The following AOPEP variants were observed in gnomAD, a reference collection of about 807,000 sequenced individuals.
AOPEP encodes the protein aminopeptidase O (putative).
AOPEP carries 77 observed loss-of-function variants against 98.1 expected under a neutral mutation model. The ratio of observed to expected loss-of-function variants is 0.78; its 90% CI spans 0.65 to 0.95. The LOEUF (loss-of-function observed/expected upper bound fraction) is 0.95. AOPEP is among the 40% of genes least tolerant of loss of function. The pLI is 0.00. For synonymous variants in AOPEP, 346 were observed against 365.3 expected (o/e 0.95, Z 0.60); for missense variants, 1,024 against 1,024.7 (o/e 1.00, Z 0.01).
At chr9:94,888,109 C>G (rs1457893798) in intron 5 of AOPEP, among the ~76,000 whole-genome samples, 1 of 152,114 alleles carries the variant, frequency 6.6e-6, no homozygotes, top group African/African-American at 2.4e-5. Flanking sequence ...TGATAAGTGA[C>G]AAGTCAAGGA....
At chr9:94,998,148 T>G (rs1260145871) in intron 11 of AOPEP, among the ~76,000 whole-genome samples, 1 of 151,956 alleles carries the variant, frequency 6.6e-6, no homozygotes, top group Non-Finnish European at 1.5e-5. Context: ...TTTTCCAGCC[T>G]ATGTTGTCAT....
intron 14 of AOPEP, among the ~76,000 whole-genome samples, chr9:95,066,847 G>A (rs2067949825): frequency 6.6e-6 from 1 of 152,104 alleles, no homozygotes; most frequent in East Asian, 1.9e-4. Context: ...CTTCTCGAGT[G>A]GAATTAATGC....
At chr9:95,080,815 A>T in intron 15 of AOPEP, 35 bp downstream of exon 15, 1 of 1,412,964 alleles carries the variant, frequency 7.1e-7, no homozygotes, top group Non-Finnish European at 1.0e-6. Context: ...GGGATTCTGT[A>T]AAGGCTGTCC....
the AOPEP span, chr9:95,100,915 C>T: frequency 1.7e-5 from 4 of 232,786 alleles, no homozygotes; most frequent in Admixed American, 1.1e-4. Context: ...CAGGTGTGAG[C>T]CACTGCACCC....
the AOPEP span, among the ~76,000 whole-genome samples, chr9:95,094,880 G>T: frequency 1.3e-5 from 2 of 152,178 alleles, no homozygotes; most frequent in Admixed American, 1.3e-4. Context: ...TGGCCAGGCT[G>T]GTCTTGAACT....
At chr9:94,847,105 G>A (rs572762093) in intron 5 of AOPEP, among the ~76,000 whole-genome samples, 1 of 137,534 alleles carries the variant, frequency 7.3e-6, no homozygotes, top group Admixed American at 7.5e-5. Context: ...AGGGAGGTTG[G>A]TAGATTTGGT....
chr9:95,033,247 T>C (rs2064478158), intron 13 of AOPEP, among the ~76,000 whole-genome samples: 1 of 152,196 alleles, frequency 6.6e-6, no homozygotes, highest in Non-Finnish European at 1.5e-5. Flanking sequence ...TCTTGTACTT[T>C]TGTTCCTCTT....
chr9:94,784,841 T>G (rs1844053003), intron 3 of AOPEP, among the ~76,000 whole-genome samples: 1 of 152,266 alleles, frequency 6.6e-6, no homozygotes, highest in South Asian at 2.1e-4. Flanking sequence ...GGTCTTGAAC[T>G]CTGGACCTCA....
the AOPEP span, chr9:95,107,249 C>T: frequency 2.5e-6 from 4 of 1,613,870 alleles, no homozygotes; most frequent in African/African-American, 1.3e-5. Flanking sequence ...GGAGGTGGCC[C>T]AGCACGGCCT....
rs796618191 is a variant in AOPEP at position 94,747,044 on chromosome 9, T to G, written c.-135-12605T>G. On this transcript the variant is annotated intron_variant, in intron 1 of 16. Coordinates refer to ENST00000375315, the MANE Select transcript of AOPEP (RefSeq NM_001193329.3). The stretch of plus-strand genomic sequence containing the variant: ...ACAACAGCATTAACTCCAGTGGGTT[T>G]TTTTTTTTTTTTTGAATATACATAT... Among the ~76,000 whole-genome samples, 621 of 148,488 alleles carry G rather than the reference T, an allele frequency of 4.2e-3. 6 individuals are homozygous for G. Among genetic ancestry groups the G allele is most frequent in the East Asian group, 0.033 (167 of 5,096 alleles).
chr9:94,990,954 T>G (rs1002033246), intron 11 of AOPEP, among the ~76,000 whole-genome samples: 2 of 152,188 alleles, frequency 1.3e-5, no homozygotes, highest in Non-Finnish European at 2.9e-5. Context: ...ATATTGACAT[T>G]GCACTCTTCC....
chr9:94,805,682 A>G (rs1849115034), intron 5 of AOPEP, among the ~76,000 whole-genome samples: 1 of 152,200 alleles, frequency 6.6e-6, no homozygotes, highest in South Asian at 2.1e-4. Context: ...CTGAATGTTT[A>G]TACTAGTTCC....
chr9:94,828,294 A>G (rs1855102396), intron 5 of AOPEP, among the ~76,000 whole-genome samples: 1 of 150,938 alleles, frequency 6.6e-6, no homozygotes, highest in South Asian at 2.1e-4. Context: ...GCCTATTCCA[A>G]AGTCACAAAG....
chr9:94,852,575 A>G (rs2043685045), intron 5 of AOPEP, among the ~76,000 whole-genome samples: 1 of 152,222 alleles, frequency 6.6e-6, no homozygotes, highest in Non-Finnish European at 1.5e-5. Flanking sequence ...TAACTAATGT[A>G]AGCTGGAAGA....
At chr9:94,757,710 C>T (rs547199186) in intron 1 of AOPEP, among the ~76,000 whole-genome samples, 2 of 152,152 alleles carry the variant, frequency 1.3e-5, no homozygotes, top group African/African-American at 4.8e-5. Flanking sequence ...CTAAATTGAC[C>T]CTTGTCTCAG....
chr9:95,109,275 T>C, the AOPEP span, among the ~76,000 whole-genome samples: 1 of 152,156 alleles, frequency 6.6e-6, no homozygotes. Flanking sequence ...TACCACACTT[T>C]ATTTGGCCAG....
chr9:94,794,186 A>G (rs767610324), intron 4 of AOPEP, among the ~76,000 whole-genome samples: 2 of 152,262 alleles, frequency 1.3e-5, no homozygotes, highest in Non-Finnish European at 2.9e-5. Context: ...ATTTACTGGC[A>G]GCCTGTCTAG....
chr9:94,759,592 A>G (rs2132449372), intron 1 of AOPEP, 57 bp from the exon 2 acceptor site: 1 of 559,410 alleles, frequency 1.8e-6, no homozygotes, highest in East Asian at 2.9e-5. Context: ...CAGCAGTTGC[A>G]GGAGCACTTA....
intron 5 of AOPEP, among the ~76,000 whole-genome samples, chr9:94,897,436 T>TA (rs543651054): frequency 3.3e-5 from 5 of 151,642 alleles, no homozygotes; most frequent in African/African-American, 4.8e-5. Context: ...AAATATTAAA[T>TA]AAAAAAAAGC....
Sources: gnomAD v4.1 joint callset for allele counts (sites outside exome capture counted in the v4.1 genomes callset) on GRCh38, gnomAD v4.1.1 for gene constraint, MANE v1.5 for transcripts, NCBI Gene and HGNC (gene_info 2026-07-23, HGNC 2026-07-21) for gene names.